The following CNTNAP2 variants were observed in gnomAD, a reference collection of about 807,000 sequenced individuals.
CNTNAP2 encodes contactin associated protein 2.
A neutral mutation model predicts 155.2 loss-of-function variants in CNTNAP2; 98 were observed. That is an observed-to-expected ratio of 0.63 (90% CI 0.54 to 0.75). The LOEUF (loss-of-function observed/expected upper bound fraction) is 0.75. Among genes scored for constraint, CNTNAP2 ranks in the 30% least tolerant of loss-of-function variants. The pLI, the probability that CNTNAP2 is intolerant of heterozygous loss-of-function variation, is 0.00. For synonymous variants in CNTNAP2, 651 were observed against 631.2 expected (o/e 1.03, Z -0.47); for missense variants, 1,727 against 1,688.1 (o/e 1.02, Z -0.40).
At chr7:147,376,042 A>G (rs1465694420) in intron 9 of CNTNAP2, among the ~76,000 whole-genome samples, 1 of 152,072 alleles carries the variant, frequency 6.6e-6, no homozygotes, top group Non-Finnish European at 1.5e-5. Flanking sequence ...GTTGGGAAGA[A>G]GTATGATAAT....
chr7:146,891,840 TG>T (rs1795784197), intron 3 of CNTNAP2, among the ~76,000 whole-genome samples: 1 of 152,128 alleles, frequency 6.6e-6, no homozygotes, highest in African/African-American at 2.4e-5. Flanking sequence ...GCACAAGAAA[TG>T]GTATCCATTT....
chr7:147,100,960 A>G (rs1277909552), intron 4 of CNTNAP2, among the ~76,000 whole-genome samples: 4 of 152,230 alleles, frequency 2.6e-5, no homozygotes, highest in Admixed American at 1.3e-4. Flanking sequence ...CAATAGACCA[A>G]GGCTGTTTCA....
chr7:147,060,101 T>A (rs1212938798), intron 4 of CNTNAP2, among the ~76,000 whole-genome samples: 1 of 152,138 alleles, frequency 6.6e-6, no homozygotes, highest in African/African-American at 2.4e-5. Context: ...ATTCATTCAA[T>A]CACTAAGTGT....
chr7:146,842,078 G>A (rs1051789576), intron 3 of CNTNAP2, among the ~76,000 whole-genome samples: 3 of 151,988 alleles, frequency 2.0e-5, no homozygotes, highest in African/African-American at 7.3e-5. Context: ...GTAGAGACAG[G>A]GTTTCACCAG....
intron 3 of CNTNAP2, among the ~76,000 whole-genome samples, chr7:146,842,749 G>T (rs149189765): frequency 6.6e-6 from 1 of 151,712 alleles, no homozygotes; most frequent in African/African-American, 2.4e-5. Flanking sequence ...GCAGTGACGC[G>T]ATCTCGGCTC....
At chr7:147,286,301 G>A (rs1394558553) in intron 8 of CNTNAP2, among the ~76,000 whole-genome samples, 2 of 151,910 alleles carry the variant, frequency 1.3e-5, no homozygotes, top group Non-Finnish European at 2.9e-5. Context: ...TTAAGAAATT[G>A]TAATAATAAT....
intron 10 of CNTNAP2, among the ~76,000 whole-genome samples, chr7:147,467,798 G>T (rs1251144204): frequency 1.3e-5 from 2 of 152,182 alleles, no homozygotes; most frequent in Non-Finnish European, 2.9e-5. Context: ...GGGAGGCCAA[G>T]GTGGGAGAAT....
At chr7:148,112,498 G>A (rs553849761) in intron 15 of CNTNAP2, among the ~76,000 whole-genome samples, 2 of 151,862 alleles carry the variant, frequency 1.3e-5, no homozygotes, top group South Asian at 2.1e-4. Flanking sequence ...ACAATTCACT[G>A]CAACCTCGAA....
chr7:146,596,263 T>C (rs1045204080), intron 1 of CNTNAP2, among the ~76,000 whole-genome samples: 6 of 151,908 alleles, frequency 3.9e-5, no homozygotes, highest in Non-Finnish European at 8.8e-5. Context: ...GCAAGACATA[T>C]CAAATGGATG....
At chr7:146,148,927 GTATGT>G (rs1430283674) in intron 1 of CNTNAP2, among the ~76,000 whole-genome samples, 1 of 149,902 alleles carries the variant, frequency 6.7e-6, no homozygotes, top group Non-Finnish European at 1.5e-5. Context: ...ATATTGCTAG[GTATGT>G]TATGTTTACT....
At chr7:147,438,477 AT>A (rs144129566) in intron 10 of CNTNAP2, among the ~76,000 whole-genome samples, 18 of 147,260 alleles carry the variant, frequency 1.2e-4, no homozygotes, top group South Asian at 2.1e-4. Context: ...ATGGTGAATT[AT>A]TTTTTTTTTG....
intron 1 of CNTNAP2, among the ~76,000 whole-genome samples, chr7:146,188,911 A>C (rs564604472): frequency 6.6e-6 from 1 of 152,282 alleles, no homozygotes; most frequent in South Asian, 2.1e-4. Context: ...GTGGCTGTAC[A>C]TTATAACCAC....
intron 1 of CNTNAP2, among the ~76,000 whole-genome samples, chr7:146,633,301 A>T (rs1196134857): frequency 2.0e-5 from 3 of 152,158 alleles, no homozygotes; most frequent in Non-Finnish European, 4.4e-5. Flanking sequence ...CCATGTATTA[A>T]TTTTCACCAT....
Position 148,347,023 on chromosome 7 carries a change from G to A in CNTNAP2, c.3476-36626G>A, listed in dbSNP as rs574848304. ...TGTAATCCCAGCACTTTGGGAGGCC[G>A]AGGCTGGAGGATCACCTGAGGTCAG... is the stretch of plus-strand genomic sequence containing the variant. On this transcript the variant is annotated intron_variant, in intron 21 of 23. Coordinates refer to ENST00000361727, the MANE Select transcript of CNTNAP2 (RefSeq NM_014141.6). Among the ~76,000 whole-genome samples the A allele has an allele frequency of 8.0e-4, 122 of 151,766 alleles. 1 individual carries two copies. Among genetic ancestry groups the A allele is most frequent in the African/African-American group, 2.8e-3 (116 of 41,386 alleles).
At chr7:147,834,797 A>G (rs1244458957) in intron 13 of CNTNAP2, among the ~76,000 whole-genome samples, 1 of 152,220 alleles carries the variant, frequency 6.6e-6, no homozygotes, top group Non-Finnish European at 1.5e-5. Flanking sequence ...GTCTGTATCT[A>G]TGTTATATCA....
At chr7:146,424,193 A>G (rs1005868306) in intron 1 of CNTNAP2, among the ~76,000 whole-genome samples, 9 of 152,194 alleles carry the variant, frequency 5.9e-5, no homozygotes, top group Non-Finnish European at 7.4e-5. Flanking sequence ...CGAATTCTCA[A>G]TAAAGTTGAA....
chr7:146,300,297 T>TA (rs1305283286), intron 1 of CNTNAP2, among the ~76,000 whole-genome samples: 4 of 152,162 alleles, frequency 2.6e-5, no homozygotes, highest in African/African-American at 9.7e-5. Context: ...TAACTTAGTA[T>TA]AAAAAGATCT....
intron 4 of CNTNAP2, among the ~76,000 whole-genome samples, chr7:147,072,293 A>T (rs1254856876): frequency 6.6e-6 from 1 of 152,166 alleles, no homozygotes; most frequent in Non-Finnish European, 1.5e-5. Flanking sequence ...AAATCCTGCA[A>T]TAGATGGCTT....
intron 10 of CNTNAP2, among the ~76,000 whole-genome samples, chr7:147,466,062 A>C (rs1246360912): frequency 6.6e-6 from 1 of 152,224 alleles, no homozygotes; most frequent in Non-Finnish European, 1.5e-5. Context: ...AAATGTATTT[A>C]ATGCATATAC....
Sources: gnomAD v4.1 joint callset for allele counts (sites outside exome capture counted in the v4.1 genomes callset) on GRCh38, gnomAD v4.1.1 for gene constraint, MANE v1.5 for transcripts, NCBI Gene and HGNC (gene_info 2026-07-23, HGNC 2026-07-21) for gene names.